MDGA2: variants seen among roughly 807,000 people sequenced by gnomAD.
MDGA2 encodes MAM domain containing glycosylphosphatidylinositol anchor 2, also known as MAM domain-containing glycosylphosphatidylinositol anchor protein 2.
A neutral mutation model predicts 117.8 loss-of-function variants in MDGA2; 40 were observed. The observed-to-expected ratio is 0.34, with a 90% CI of 0.26 to 0.44. MDGA2 has a LOEUF of 0.44. Ranked by LOEUF, MDGA2 falls within the 20% of genes least tolerant of loss-of-function variation. The pLI, the probability that MDGA2 is intolerant of heterozygous loss-of-function variation, is 1.00. For missense variants in MDGA2, 1,123 were observed against 1,250.6 expected (o/e 0.90, Z 1.54); for synonymous variants, 452 against 439.0 (o/e 1.03, Z -0.37).
At chr14:47,653,073 CCCAGTAGAA>C (rs144380981) in intron 1 of MDGA2, among the ~76,000 whole-genome samples, 23,333 of 151,908 alleles carry the variant, frequency 0.15, 1,877 homozygotes, top group East Asian at 0.25. Context: ...TGAGTGCTAT[CCCAGTAGAA>C]CCTCAATATC....
intron 3 of MDGA2, among the ~76,000 whole-genome samples, chr14:47,150,661 T>G (rs1419717031): frequency 1.3e-5 from 2 of 152,112 alleles, no homozygotes; most frequent in African/African-American, 4.8e-5. Context: ...TGGTGGCTCA[T>G]GCCTGTAATC....
intron 16 of MDGA2, among the ~76,000 whole-genome samples, chr14:46,842,244 T>A (rs1232944104): frequency 6.6e-6 from 1 of 152,180 alleles, no homozygotes; most frequent in Non-Finnish European, 1.5e-5. Flanking sequence ...AGATTTTGAA[T>A]TGATATAATA....
intron 7 of MDGA2, chr14:47,059,182 A>T (rs1479186533): frequency 1.2e-6 from 1 of 802,474 alleles, no homozygotes; most frequent in Non-Finnish European, 1.7e-6. Flanking sequence ...GTTAATAATT[A>T]TCTGTTTAGT....
chr14:47,405,967 A>C (rs1892252047), intron 1 of MDGA2, among the ~76,000 whole-genome samples: 1 of 152,192 alleles, frequency 6.6e-6, no homozygotes, highest in African/African-American at 2.4e-5. Flanking sequence ...TAAGCTTTTC[A>C]ATCATTTTCA....
intron 5 of MDGA2, among the ~76,000 whole-genome samples, chr14:47,118,569 C>G (rs1409315222): frequency 1.3e-5 from 2 of 152,106 alleles, no homozygotes; most frequent in Admixed American, 6.5e-5. Context: ...GATTAATGAG[C>G]TACTGAAATA....
At chr14:47,361,211 A>T in intron 1 of MDGA2, among the ~76,000 whole-genome samples, 1 of 121,944 alleles carries the variant, frequency 8.2e-6, no homozygotes, top group East Asian at 2.5e-4. Flanking sequence ...CTCTCTCTAT[A>T]TATATATATA....
intron 9 of MDGA2, among the ~76,000 whole-genome samples, chr14:46,943,054 G>C (rs1049496472): frequency 6.6e-6 from 1 of 151,830 alleles, no homozygotes; most frequent in Non-Finnish European, 1.5e-5. Context: ...TTTTATTTAG[G>C]AATTTTAAGG....
chr14:47,587,556 G>A (rs1214567894), intron 1 of MDGA2, among the ~76,000 whole-genome samples: 1 of 151,726 alleles, frequency 6.6e-6, no homozygotes, highest in Non-Finnish European at 1.5e-5. Context: ...ATTATTTTAT[G>A]TTCCTACTTA....
chr14:46,920,514 T>C (rs1884086182), intron 9 of MDGA2, among the ~76,000 whole-genome samples: 1 of 152,174 alleles, frequency 6.6e-6, no homozygotes, highest in South Asian at 2.1e-4. Flanking sequence ...CAGTAGGATA[T>C]AACTAGTCTG....
At chr14:47,666,705 G>A (rs879019221) in intron 1 of MDGA2, among the ~76,000 whole-genome samples, 3 of 152,136 alleles carry the variant, frequency 2.0e-5, no homozygotes, top group South Asian at 2.1e-4. Flanking sequence ...GTGGCAACCC[G>A]CTTGGGTCCC....
intron 1 of MDGA2, among the ~76,000 whole-genome samples, chr14:47,622,753 T>C (rs1435506182): frequency 1.3e-5 from 2 of 152,202 alleles, no homozygotes; most frequent in African/African-American, 2.4e-5. Context: ...CAGAATGGCA[T>C]GAATCTTCAG....
intron 8 of MDGA2, among the ~76,000 whole-genome samples, chr14:46,983,388 A>G (rs1886754795): frequency 6.6e-6 from 1 of 151,962 alleles, no homozygotes; most frequent in African/African-American, 2.4e-5. Flanking sequence ...AATTTTCTTC[A>G]CAGTTATATT....
At chr14:47,622,639 T>C (rs975380083) in intron 1 of MDGA2, among the ~76,000 whole-genome samples, 4 of 152,294 alleles carry the variant, frequency 2.6e-5, no homozygotes, top group Middle Eastern at 3.4e-3. Flanking sequence ...CTTTAGGAAG[T>C]TGCATGAGGT....
chr14:47,420,624 G>C (rs1892558838), intron 1 of MDGA2, among the ~76,000 whole-genome samples: 1 of 151,994 alleles, frequency 6.6e-6, no homozygotes, highest in Admixed American at 6.6e-5. Context: ...GGGCTCAATT[G>C]CTTGCAAAGC....
intron 1 of MDGA2, among the ~76,000 whole-genome samples, chr14:47,434,485 G>C (rs1038486326): frequency 1.3e-5 from 2 of 152,116 alleles, no homozygotes; most frequent in African/African-American, 4.8e-5. Flanking sequence ...CTTTGATCAA[G>C]TGATTCTTAC....
At chr14:47,521,828 C>T (rs1013718431) in intron 1 of MDGA2, among the ~76,000 whole-genome samples, 5 of 152,034 alleles carry the variant, frequency 3.3e-5, no homozygotes, top group East Asian at 1.9e-4. Flanking sequence ...CCCACCACCA[C>T]ACCTGGCTAA....
intron 1 of MDGA2, among the ~76,000 whole-genome samples, chr14:47,507,466 T>C (rs967266605): frequency 6.6e-6 from 1 of 152,132 alleles, no homozygotes; most frequent in African/African-American, 2.4e-5. Context: ...GTAAAGAGTG[T>C]ACAAAACAGA....
intron 1 of MDGA2, among the ~76,000 whole-genome samples, chr14:47,614,071 T>C (rs1896902591): frequency 6.6e-6 from 1 of 150,602 alleles, no homozygotes; most frequent in South Asian, 2.1e-4. Context: ...TGCCCAGAGA[T>C]TGGTTATTCT....
chr14:47,008,351 T>C (rs1168756025), intron 8 of MDGA2, among the ~76,000 whole-genome samples: 1 of 151,916 alleles, frequency 6.6e-6, no homozygotes, highest in Non-Finnish European at 1.5e-5. Flanking sequence ...CAATGCCTAA[T>C]GTTATTGTTC....
Sources: allele counts gnomAD v4.1 joint callset (sites outside exome capture counted in the v4.1 genomes callset), GRCh38; gene constraint gnomAD v4.1.1; transcripts MANE v1.5; gene names NCBI Gene and HGNC (gene_info 2026-07-23, HGNC 2026-07-21).